Variants in COLGALT2 observed in about 807,000 individuals in gnomAD.
COLGALT2 encodes the protein collagen beta(1-O)galactosyltransferase 2.
A neutral mutation model predicts 73.4 loss-of-function variants in COLGALT2; 49 were observed. That is an observed-to-expected ratio of 0.67 (90% confidence interval 0.53 to 0.85). COLGALT2 has a LOEUF of 0.85. Ranked by LOEUF, COLGALT2 falls within the 40% of genes least tolerant of loss-of-function variation. The probability of loss-of-function intolerance (pLI) is 0.00; values close to 1 mark genes in which losing one functional copy is unlikely to be tolerated. For missense variants in COLGALT2, 722 were observed against 790.2 expected, an observed-to-expected ratio of 0.91 and a Z score of 1.03; for synonymous variants, 295 against 307.6, an observed-to-expected ratio of 0.96 and a Z score of 0.43.
intron 1 of COLGALT2, among the ~76,000 whole-genome samples, chr1:184,017,392 ATTG>A (rs1051743376): frequency 2.0e-5 from 3 of 152,204 alleles, no homozygotes; most frequent in African/African-American, 7.2e-5. Flanking sequence ...ACAAGTTTCA[ATTG>A]TTGTTTCTCC....
At chr1:183,963,312 G>T (rs1670768273) in intron 6 of COLGALT2, among the ~76,000 whole-genome samples, 1 of 152,010 alleles carries the variant, frequency 6.6e-6, no homozygotes, top group Admixed American at 6.6e-5. Context: ...TCTTTAATAT[G>T]GGCATAATAA....
At position 183,937,233 on chromosome 1, in the gene COLGALT2, T is replaced by C. The variant is rs909397725; in HGVS notation, c.*1528A>G. 3 of 1,206,540 alleles carry C rather than the reference T, an allele frequency of 2.5e-6. No homozygotes were observed. Among genetic ancestry groups the C allele is most frequent in the East Asian group, 3.4e-5 (1 of 29,518 alleles). 74.7% of individuals were successfully genotyped at this position (1,206,540 alleles called of 1,614,324 possible). A position where few individuals can be genotyped will look rare whatever the true frequency, so the allele number is the denominator to read the frequency against. ...GTGCACGGCCCCCCATATGGCTGCATGGTGCATGGACAGTGATGAGGAACG... is the reference window on the plus strand; with the variant it reads ...GTGCACGGCCCCCCATATGGCTGCACGGTGCATGGACAGTGATGAGGAACG... On this transcript the variant is annotated 3_prime_UTR_variant, in exon 12 of 12. Coordinates refer to ENST00000361927, the MANE Select transcript of COLGALT2 (RefSeq NM_015101.4).
chr1:184,011,444 C>T (rs190601548), intron 1 of COLGALT2, among the ~76,000 whole-genome samples: 122 of 152,290 alleles, frequency 8.0e-4, no homozygotes, highest in African/African-American at 2.8e-3. Flanking sequence ...TAATTCCAAC[C>T]TCCAGTTACC....
rs114272118 is a variant in COLGALT2, at chr1:183,950,097, T to A, written c.1136+910A>T. 4.3e-3 allele frequency among the ~76,000 whole-genome samples: 658 copies of A among 152,350 alleles called. 8 individuals carry two copies. The highest frequency in any genetic ancestry group is 0.015 in the African/African-American group (616 of 41,584). The stretch of plus-strand genomic sequence containing the variant: ...ATGTGATGTTTGGGACAAATTTAAC[T>A]GGCTATCCAGTATTTTATGGGGCAA... On this transcript the variant is annotated intron_variant, in intron 8 of 11. Coordinates refer to ENST00000361927, the MANE Select transcript of COLGALT2 (RefSeq NM_015101.4).
chr1:183,992,554 T>C (rs918965879), intron 1 of COLGALT2, among the ~76,000 whole-genome samples: 10 of 152,246 alleles, frequency 6.6e-5, no homozygotes, highest in Non-Finnish European at 1.0e-4. Context: ...AAAGAATGAA[T>C]GGCACCTAAT....
At chr1:183,930,164 G>A (rs1442117727) in exon 12 of COLGALT2, 4 of 455,642 alleles carry the variant, frequency 8.8e-6, no homozygotes, top group Non-Finnish European at 1.8e-5. Context: ...ACCTGGAGGA[G>A]TTGATGAACA....
Position 183,936,873 on chromosome 1 carries a change from G to A in COLGALT2, c.*1888C>T, listed in dbSNP as rs1669969203. ...GTAGAAGGGTACCCACAGTGAGTCG[G>A]GAAGGAAGGCCGAGGCTGGCGTCTG... On this transcript the variant is annotated 3_prime_UTR_variant, in exon 12 of 12. Coordinates refer to ENST00000361927, the MANE Select transcript of COLGALT2 (RefSeq NM_015101.4). The A allele has an allele frequency of 8.1e-7, 1 of 1,231,774 alleles. No individual in the cohort carries two copies. The highest frequency in any genetic ancestry group is 1.0e-6 in the Non-Finnish European group (1 of 988,050). 76.3% of individuals were successfully genotyped at this position (1,231,774 alleles called of 1,614,324 possible). A position where few individuals can be genotyped will look rare whatever the true frequency, so the allele number is the denominator to read the frequency against.
chr1:183,978,453 T>C lies in COLGALT2; in HGVS notation c.331A>G (p.Arg111Gly). The change falls in exon 2 of 12, where the codon AGA becomes GGA. Residue 111 changes from arginine to glycine, a missense_variant. By Grantham distance (125) the Arg-to-Gly change is moderately radical. Coordinates refer to ENST00000361927, the MANE Select transcript of COLGALT2 (RefSeq NM_015101.4). ...CTCCACTCCACATAGTGATAGAGTCTCTGTACATTTTTCAACCACTCCCTG... is the reference window on the plus strand; with the variant it reads ...CTCCACTCCACATAGTGATAGAGTCCCTGTACATTTTTCAACCACTCCCTG... ...IFREWLKNVQ[R>G]LYHYVEWRPM... The C allele has an allele frequency of 6.2e-7, 1 of 1,612,756 alleles. No homozygotes were observed. Among genetic ancestry groups the C allele is most frequent in the Non-Finnish European group, 8.5e-7 (1 of 1,178,954 alleles).
intron 1 of COLGALT2, among the ~76,000 whole-genome samples, chr1:184,001,996 G>A (rs538006446): frequency 1.3e-5 from 2 of 152,366 alleles, no homozygotes; most frequent in South Asian, 4.1e-4. Context: ...GAATGACAAA[G>A]TTTAAACCCT....
chr1:184,005,717 A>C (rs547963734), intron 1 of COLGALT2, among the ~76,000 whole-genome samples: 3 of 152,164 alleles, frequency 2.0e-5, no homozygotes, highest in Non-Finnish European at 4.4e-5. Flanking sequence ...GTGCTGATAG[A>C]ACTCGACTTA....
chr1:183,978,362 A>C, intron 2 of COLGALT2, 48 bp downstream of exon 2: 1 of 1,040,974 alleles, frequency 9.6e-7, no homozygotes. Context: ...AGCTAGTTAA[A>C]GAGGAAGGGT....
chr1:184,001,275 A>C (rs1671918167), intron 1 of COLGALT2, among the ~76,000 whole-genome samples: 1 of 152,116 alleles, frequency 6.6e-6, no homozygotes, highest in Non-Finnish European at 1.5e-5. Flanking sequence ...AAATAAAATA[A>C]ATATTTTTCA....
intron 1 of COLGALT2, among the ~76,000 whole-genome samples, chr1:183,986,871 C>T (rs1212088981): frequency 6.6e-6 from 1 of 152,048 alleles, no homozygotes; most frequent in Non-Finnish European, 1.5e-5. Context: ...TTTATTTAGG[C>T]CTTCTAATCC....
rs908036928 is a variant in COLGALT2 at position 183,958,474 on chromosome 1, T to C, written c.953-3636A>G. On this transcript the variant is annotated intron_variant, in intron 6 of 11. Coordinates refer to ENST00000361927, the MANE Select transcript of COLGALT2 (RefSeq NM_015101.4). Reference sequence around the variant, plus strand: ...ACCAAATGATGTAAGTGTCCTTTCATAGTAAATTTATTTTCCCACTCTTTG... The same window carrying C: ...ACCAAATGATGTAAGTGTCCTTTCACAGTAAATTTATTTTCCCACTCTTTG... Among the ~76,000 whole-genome samples, 11 of 152,264 alleles carry C rather than the reference T, an allele frequency of 7.2e-5. No individual in the cohort carries two copies. In the East Asian group the frequency reaches 1.2e-3, roughly 16 times the overall value.
At chr1:183,939,858 T>C (rs186625617) in intron 11 of COLGALT2, among the ~76,000 whole-genome samples, 1 of 152,328 alleles carries the variant, frequency 6.6e-6, no homozygotes, top group African/African-American at 2.4e-5. Context: ...ATTTAGGAGC[T>C]GCTGTTATGT....
Position 183,995,852 on chromosome 1 carries a change from T to G in COLGALT2, c.264-17332A>C, listed in dbSNP as rs1671756563. ...TCCTATTCTCCTTTTGAATCTTACA[T>G]TTTACTTTAAAAATTACGTATACCC... On this transcript the variant is annotated intron_variant, in intron 1 of 11. Coordinates refer to ENST00000361927, the MANE Select transcript of COLGALT2 (RefSeq NM_015101.4). Among the ~76,000 whole-genome samples, 4 of 152,300 alleles carry G rather than the reference T, an allele frequency of 2.6e-5. No homozygotes were observed. The South Asian group carries it at 8.3e-4, about 32-fold the overall frequency.
Position 184,012,952 on chromosome 1 carries a change from C to T in COLGALT2, c.263+24143G>A, listed in dbSNP as rs575178626. Among the ~76,000 whole-genome samples the T allele has an allele frequency of 1.8e-4, 27 of 152,324 alleles. No homozygotes were observed. The East Asian group carries it at 2.7e-3, about 15-fold the overall frequency. ...ACCTGGAGATTCAAAAAGAAGAGGG[C>T]GGGCCCTCAAGAAGCTGAGCCTAGG... On this transcript the variant is annotated intron_variant, in intron 1 of 11. Coordinates refer to ENST00000361927, the MANE Select transcript of COLGALT2 (RefSeq NM_015101.4).
intron 1 of COLGALT2, among the ~76,000 whole-genome samples, chr1:183,992,535 T>C (rs973110731): frequency 6.6e-6 from 1 of 152,190 alleles, no homozygotes; most frequent in African/African-American, 2.4e-5. Flanking sequence ...TAATTTTCAA[T>C]GATGTCTTAA....
At chr1:184,002,657 T>A (rs57604072) in intron 1 of COLGALT2, among the ~76,000 whole-genome samples, 23,123 of 152,106 alleles carry the variant, frequency 0.15, 2,770 homozygotes, top group African/African-American at 0.33. Flanking sequence ...AAATGCTGAG[T>A]TTATAACTTA....
Sources: gnomAD v4.1 joint callset for allele counts (sites outside exome capture counted in the v4.1 genomes callset) on GRCh38, gnomAD v4.1.1 for gene constraint, MANE v1.5 for transcripts, NCBI Gene and HGNC (gene_info 2026-07-23, HGNC 2026-07-21) for gene names.